RASGRF2: variants seen among roughly 807,000 people sequenced by gnomAD.
RASGRF2 encodes the protein ras-specific guanine nucleotide-releasing factor 2.
RASGRF2 carries 76 observed loss-of-function variants against 151.0 expected under a neutral mutation model. That is an observed-to-expected ratio of 0.50 (90% CI 0.42 to 0.61). The LOEUF (loss-of-function observed/expected upper bound fraction) is 0.61. Ranked by LOEUF, RASGRF2 falls within the 20% of genes least tolerant of loss-of-function variation. The pLI is 0.00. For missense variants in RASGRF2, 1,148 were observed against 1,564.6 expected (o/e 0.73, Z 4.49); for synonymous variants, 504 against 566.5 (o/e 0.89, Z 1.57).
At chr5:81,147,291 A>C (rs940246350) in intron 17 of RASGRF2, among the ~76,000 whole-genome samples, 15 of 152,264 alleles carry the variant, frequency 9.9e-5, no homozygotes, top group Middle Eastern at 3.4e-3. Context: ...TTTAACTTCG[A>C]AACACTTTCT....
At chr5:81,043,522 T>G (rs1221181880) in intron 2 of RASGRF2, among the ~76,000 whole-genome samples, 1 of 152,096 alleles carries the variant, frequency 6.6e-6, no homozygotes, top group East Asian at 1.9e-4. Context: ...TGATTTCGCT[T>G]CCCCCTAAGA....
At chr5:81,081,515 G>A (rs1312538375) in intron 7 of RASGRF2, among the ~76,000 whole-genome samples, 2 of 152,330 alleles carry the variant, frequency 1.3e-5, no homozygotes, top group African/African-American at 2.4e-5. Flanking sequence ...TGAATCTCCT[G>A]TTGTTTTGAA....
intron 23 of RASGRF2, among the ~76,000 whole-genome samples, chr5:81,214,428 C>A (rs1755690642): frequency 6.6e-6 from 1 of 152,210 alleles, no homozygotes; most frequent in Non-Finnish European, 1.5e-5. Context: ...ACAACATCCG[C>A]TGTACAGCTG....
intron 1 of RASGRF2, among the ~76,000 whole-genome samples, chr5:80,996,369 A>G (rs944569064): frequency 6.6e-6 from 1 of 152,096 alleles, no homozygotes; most frequent in African/African-American, 2.4e-5. Context: ...CGTTCTGTAT[A>G]CATATTACAA....
intron 2 of RASGRF2, among the ~76,000 whole-genome samples, chr5:81,044,842 A>G (rs887325140): frequency 1.3e-5 from 2 of 148,482 alleles, no homozygotes; most frequent in Non-Finnish European, 3.0e-5. Flanking sequence ...TTCTTGTTCT[A>G]TTTTTTTTTT....
chr5:81,110,316 G>A (rs1481042771), intron 13 of RASGRF2, among the ~76,000 whole-genome samples: 1 of 152,120 alleles, frequency 6.6e-6, no homozygotes, highest in East Asian at 1.9e-4. Context: ...TGTTATCATA[G>A]GAGACTTCAG....
At chr5:81,037,230 G>A (rs1484075987) in intron 1 of RASGRF2, among the ~76,000 whole-genome samples, 1 of 152,154 alleles carries the variant, frequency 6.6e-6, no homozygotes, top group Non-Finnish European at 1.5e-5. Context: ...TGAGATTTGG[G>A]TGGGGACACA....
intron 2 of RASGRF2, among the ~76,000 whole-genome samples, chr5:81,065,638 C>T (rs1751578814): frequency 1.3e-5 from 2 of 152,154 alleles, no homozygotes; most frequent in African/African-American, 4.8e-5. Flanking sequence ...ATTGCCCTTG[C>T]CTACGCTCTG....
At chr5:81,070,655 C>A in intron 4 of RASGRF2, 74 bp downstream of exon 4, 2 of 1,329,296 alleles carry the variant, frequency 1.5e-6, no homozygotes, top group South Asian at 1.2e-5. Flanking sequence ...GTCTTTGCCA[C>A]CCTGTGCGTG....
At chr5:81,154,054 T>G (rs1053359134) in intron 17 of RASGRF2, among the ~76,000 whole-genome samples, 1 of 151,652 alleles carries the variant, frequency 6.6e-6, no homozygotes, top group East Asian at 1.9e-4. Context: ...GAGCCCTAAA[T>G]ACACGAAGCA....
chr5:81,179,832 T>C (rs779695675), intron 17 of RASGRF2, among the ~76,000 whole-genome samples: 4 of 152,240 alleles, frequency 2.6e-5, no homozygotes, highest in South Asian at 4.1e-4. Context: ...TATAAATTAA[T>C]GCTGACTCAA....
chr5:81,006,506 G>A (rs1446871594), intron 1 of RASGRF2, among the ~76,000 whole-genome samples: 2 of 152,200 alleles, frequency 1.3e-5, no homozygotes, highest in South Asian at 4.1e-4. Flanking sequence ...AGATAAGGCT[G>A]TAAGTGTGTC....
At position 81,207,367 on chromosome 5, in the gene RASGRF2, C is replaced by T; in HGVS notation, c.3071+18C>T. The T allele has an allele frequency of 6.2e-7, 1 of 1,600,568 alleles. No individual in the cohort carries two copies. Among genetic ancestry groups the T allele is most frequent in the Middle Eastern group, 1.7e-4 (1 of 6,038 alleles). On this transcript the variant is annotated intron_variant, in intron 21 of 26. Transcript: ENST00000265080. The stretch of plus-strand genomic sequence containing the variant: ...CCCTACGAGTGAGTGCCACCCCCCA[C>T]AGCAGCAGGGCTCGGCTGCTCTAGC...
At chr5:81,139,369 A>G (rs778574516) in intron 17 of RASGRF2, among the ~76,000 whole-genome samples, 2 of 142,794 alleles carry the variant, frequency 1.4e-5, no homozygotes, top group Non-Finnish European at 3.1e-5. Context: ...TTCCTTTCCA[A>G]TCTATACGCC....
At chr5:81,188,757 C>T (rs577664693) in intron 18 of RASGRF2, among the ~76,000 whole-genome samples, 131 of 152,168 alleles carry the variant, frequency 8.6e-4, no homozygotes, top group Non-Finnish European at 1.1e-3. Flanking sequence ...AATGGAAGCT[C>T]AGACTGAACC....
chr5:81,107,708 T>G (rs1287448733), intron 12 of RASGRF2, among the ~76,000 whole-genome samples: 1 of 152,202 alleles, frequency 6.6e-6, no homozygotes, highest in East Asian at 1.9e-4. Context: ...GTTTTTGTAA[T>G]CCACTCGTGG....
chr5:81,183,193 G>A (rs746963467), intron 18 of RASGRF2: 32 of 984,056 alleles, frequency 3.3e-5, no homozygotes, highest in Non-Finnish European at 3.6e-5. Flanking sequence ...AGGCCACTTC[G>A]ATTTCTAGAA....
intron 18 of RASGRF2, among the ~76,000 whole-genome samples, chr5:81,189,861 G>A (rs936294319): frequency 3.5e-4 from 53 of 152,002 alleles, no homozygotes; most frequent in African/African-American, 1.1e-3. Flanking sequence ...ACAGGCATGC[G>A]CCACCACACC....
At chr5:81,001,244 A>T (rs572722602) in intron 1 of RASGRF2, among the ~76,000 whole-genome samples, 27 of 152,284 alleles carry the variant, frequency 1.8e-4, no homozygotes, top group African/African-American at 6.3e-4. Context: ...GCTAGACTTG[A>T]TTAGATGGGT....
Sources: allele counts gnomAD v4.1 joint callset (sites outside exome capture counted in the v4.1 genomes callset), GRCh38; gene constraint gnomAD v4.1.1; transcripts MANE v1.5; gene names NCBI Gene and HGNC (gene_info 2026-07-23, HGNC 2026-07-21).